TAGAP: variants seen among roughly 807,000 people sequenced by gnomAD.
TAGAP encodes T cell activation RhoGTPase activating protein.
In TAGAP, 16 loss-of-function variants were observed where a neutral mutation model predicts 36.0. That is an observed-to-expected ratio of 0.44 (90% CI 0.30 to 0.68). The LOEUF is 0.68. TAGAP is among the 30% of genes least tolerant of loss of function. The pLI is 0.09. For synonymous variants in TAGAP, 372 were observed against 377.4 expected (o/e 0.99, Z 0.17); for missense variants, 794 against 921.5 (o/e 0.86, Z 1.79).
Position 159,038,244 on chromosome 6 carries a change from A to G in TAGAP, c.784-16T>C. 7.3e-7 allele frequency: 1 copy of G among 1,366,388 alleles called. No homozygotes were observed. Among genetic ancestry groups the G allele is most frequent in the South Asian group, 1.2e-5 (1 of 82,010 alleles). 84.6% of individuals were successfully genotyped at this position (1,366,388 alleles called of 1,614,324 possible). On this transcript the variant is annotated splice_polypyrimidine_tract_variant and intron_variant, in intron 8 of 9. Transcript: ENST00000367066. ...GTGTCTTCACCTGTGAGGAAAAGTA[A>G]GCAATTTGTCAGCTTGAAGACTTTT...
chr6:159,037,485 G>A lies in TAGAP; in HGVS notation c.899-361C>T, dbSNP rs908534795. Among the ~76,000 whole-genome samples, 12 of 152,140 alleles carry A rather than the reference G, an allele frequency of 7.9e-5. No individual in the cohort carries two copies. The highest frequency in any genetic ancestry group is 1.6e-4 in the Non-Finnish European group (11 of 68,030). On this transcript the variant is annotated intron_variant, in intron 9 of 9. Coordinates refer to ENST00000367066, the MANE Select transcript of TAGAP (RefSeq NM_054114.5). This position sits in a 1 kb window ranked among gnomAD's most constrained non-coding sequence, Gnocchi z 5.1. ...ATTATAGGCGTGAGCCACCACACACGGCCATTTAGGTTCTTTTAGAAATGA... is the reference window on the plus strand; with the variant it reads ...ATTATAGGCGTGAGCCACCACACACAGCCATTTAGGTTCTTTTAGAAATGA...
rs376637688 is a variant in TAGAP, at chr6:159,036,445, C to A, written c.1578G>T (p.Ala526=). ...HKKVLTKNLS[A]GSGKSQDFTR... ...TAAAGTCTTGCGATTTCCCAGAGCC[C>A]GCGCTGAGGTTTTTGGTCAGCACTT... is the stretch of plus-strand genomic sequence containing the variant. The change falls in exon 10 of 10, where the codon GCG becomes GCT. Residue 526 remains alanine (A), a synonymous_variant. Transcript: ENST00000367066. The surrounding 1 kb of genome is among the most constrained non-coding windows in gnomAD (Gnocchi z 4.9). 5 of 1,614,034 alleles carry A rather than the reference C, an allele frequency of 3.1e-6. No individual in the cohort carries two copies. In the African/African-American group the frequency reaches 6.7e-5, roughly 22 times the overall value.
At chr6:159,043,277 G>A (rs1779819812) in intron 4 of TAGAP, among the ~76,000 whole-genome samples, 1 of 152,192 alleles carries the variant, frequency 6.6e-6, no homozygotes, top group Non-Finnish European at 1.5e-5. Flanking sequence ...GGAAGAAAAT[G>A]GAAAAGACAC....
rs138799104 is a variant in TAGAP, at chr6:159,035,644, C to G, written c.*183G>C. On this transcript the variant is annotated 3_prime_UTR_variant, in exon 10 of 10. Transcript: ENST00000367066. Reference sequence around the variant, plus strand: ...ATACATTTTTACATATTGCACAAATCCAGGTACACAGAGACTATCTGATGC... The same window carrying G: ...ATACATTTTTACATATTGCACAAATGCAGGTACACAGAGACTATCTGATGC... 889 of 576,136 alleles carry G rather than the reference C, an allele frequency of 1.5e-3. 9 individuals are homozygous for G. The highest frequency in any genetic ancestry group is 0.015 in the African/African-American group (796 of 53,970). 35.7% of individuals were successfully genotyped at this position (576,136 alleles called of 1,614,324 possible).
intron 9 of TAGAP, 34 bp downstream of exon 9, chr6:159,038,080 T>C: frequency 7.0e-7 from 1 of 1,436,220 alleles, no homozygotes; most frequent in Non-Finnish European, 9.8e-7. Flanking sequence ...AACTTTTCCC[T>C]ACAATCGTAA....
rs762772925 is a variant in TAGAP, at chr6:159,039,289, C to G, written c.608G>C (p.Arg203Pro). 6 of 1,612,840 alleles carry G rather than the reference C, an allele frequency of 3.7e-6. No individual in the cohort carries two copies. Among genetic ancestry groups the G allele is most frequent in the East Asian group, 2.2e-5 (1 of 44,876 alleles). ...GTGCTTGAGTAGCAGGAGGTTGGGC[C>G]GGGGGAGCTTATCTGCAACCCTGGA... ...ALKQVADKLP[R>P]PNLLLLKHLV... The change falls in exon 8 of 10, where the codon CGG (arginine) becomes CCG (proline). Residue 203 changes from arginine to proline, a missense_variant. Coordinates refer to ENST00000367066, the MANE Select transcript of TAGAP (RefSeq NM_054114.5).
In TAGAP at chr6:159,040,813, G is replaced by A. The variant is rs759674898; in HGVS notation, c.497C>T (p.Pro166Leu). ...GAGGTCGCTTGAAAGTAGCTTCCGG[G>A]GGATACTTCTGAGGAAGTCCTGGGG... Reference protein sequence around the residue: ...VVFKDFLRSIPRKLLSSDLFE... With the variant: ...VVFKDFLRSILRKLLSSDLFE... Residue 166 changes from proline to leucine, a missense_variant, in exon 7 of 10, where the codon CCC becomes CTC. Pro to Leu is a moderately conservative substitution (Grantham distance 98, BLOSUM62 -3). Coordinates refer to ENST00000367066, the MANE Select transcript of TAGAP (RefSeq NM_054114.5). The A allele has an allele frequency of 1.2e-6, 2 of 1,614,046 alleles. No individual in the cohort carries two copies. The highest frequency in any genetic ancestry group is 1.7e-6 in the Non-Finnish European group (2 of 1,179,942).
rs768641977 is a variant in TAGAP, at chr6:159,043,933, CCTT to C, written c.81+42_81+44del. On this transcript the variant is annotated intron_variant, in intron 3 of 9. Transcript: ENST00000367066. ...TATTCAATTAAAACAAAGTTTTCCACCTTCTCACAGTACAGATAAAAAGTCTTA... is the reference window on the plus strand; with the variant it reads ...TATTCAATTAAAACAAAGTTTTCCACCTCACAGTACAGATAAAAAGTCTTA... The C allele has an allele frequency of 5.2e-6, 8 of 1,549,720 alleles. No individual in the cohort carries two copies. The East Asian group carries it at 6.7e-5, about 13-fold the overall frequency.
intron 4 of TAGAP, chr6:159,042,867 G>A (rs1779806393): frequency 6.6e-6 from 1 of 152,602 alleles, no homozygotes; most frequent in African/African-American, 2.4e-5. Flanking sequence ...GCTGCGGGAA[G>A]CCTTGAACCT....
At position 159,035,814 on chromosome 6, in the gene TAGAP, T is replaced by C; in HGVS notation, c.*13A>G. The C allele has an allele frequency of 6.3e-7, 1 of 1,579,776 alleles. No individual in the cohort carries two copies. Among genetic ancestry groups the C allele is most frequent in the Non-Finnish European group, 8.7e-7 (1 of 1,155,068 alleles). ...AGATAGCACAAGCTATGGCATGGCG[T>C]ATGGCCTCCCTCCTAAATATACGAT... On this transcript the variant is annotated 3_prime_UTR_variant, in exon 10 of 10. Transcript: ENST00000367066.
intron 4 of TAGAP, chr6:159,043,120 GTCTT>G (rs1311507237): frequency 1.9e-5 from 3 of 155,056 alleles, no homozygotes; most frequent in Admixed American, 6.4e-5. Context: ...GAAGTGGCCT[GTCTT>G]TATGGTTCAG....
rs1779767737 is a variant in TAGAP at position 159,041,945 on chromosome 6, G to A, written c.315+133C>T. ...TCTGACTGCACGCGTATGTGGGAGT[G>A]CCATGTTGAAGAGTGGAAAATATGG... On this transcript the variant is annotated intron_variant, in intron 5 of 9. Transcript: ENST00000367066. This position sits in a 1 kb window ranked among gnomAD's most constrained non-coding sequence, Gnocchi z 4.1. The A allele has an allele frequency of 1.0e-6, 1 of 960,804 alleles. No homozygotes were observed. 59.5% of individuals were successfully genotyped at this position (960,804 alleles called of 1,614,324 possible).
At position 159,036,987 on chromosome 6, in the gene TAGAP, C is replaced by T. The variant is rs746948813; in HGVS notation, c.1036G>A (p.Gly346Ser). The change falls in exon 10 of 10, where the codon GGC (glycine) becomes AGC (serine). Residue 346 changes from glycine to serine, a missense_variant. Transcript: ENST00000367066. This position sits in a 1 kb window ranked among gnomAD's most constrained non-coding sequence, Gnocchi z 4.9. ...CTGACCTCTCGGGCATCCTGTGGGC[C>T]CGCGCTATCCAAGCCAGCAGCTGTG... The part of the protein sequence containing the change: ...MATAAGLDSA[G>S]PQDAREVSPE... 5.6e-6 allele frequency: 9 copies of T among 1,613,614 alleles called. No homozygotes were observed. The African/African-American group carries it at 1.2e-4, about 22-fold the overall frequency.
chr6:159,036,680 C>A lies in TAGAP; in HGVS notation c.1343G>T (p.Gly448Val), dbSNP rs1224710193. 6 of 1,613,986 alleles carry A rather than the reference C, an allele frequency of 3.7e-6. No individual in the cohort carries two copies. The highest frequency in any genetic ancestry group is 1.7e-5 in the Admixed American group (1 of 60,014). Residue 448 changes from glycine (G) to valine (V), a missense_variant, in exon 10 of 10, where the codon GGT becomes GTT. By Grantham distance (109) the Gly-to-Val change is moderately radical. Coordinates refer to ENST00000367066, the MANE Select transcript of TAGAP (RefSeq NM_054114.5). The surrounding 1 kb of genome is among the most constrained non-coding windows in gnomAD (Gnocchi z 4.9). ...VDLKIKNLAP[G>V]SVLPRALVLK... ...AACCAGTGCCCGCGGGAGCACCGAA[C>A]CCGGGGCCAAGTTCTTGATCTTCAG...
chr6:159,043,605 A>G lies in TAGAP; in HGVS notation c.132T>C (p.Ser44=), dbSNP rs1425321726. ...PLLASCESED[S]ICQLIEVKKR... Reference sequence around the variant, plus strand: ...AAAACTCACCAATGAGCTGGCAAATACTGTCTTCACTCTCACATGATGCCA... The same window carrying G: ...AAAACTCACCAATGAGCTGGCAAATGCTGTCTTCACTCTCACATGATGCCA... The change falls in exon 4 of 10, where the codon AGT becomes AGC. Residue 44 remains serine (S), a synonymous_variant. Transcript: ENST00000367066. 1 of 1,614,050 alleles carries G rather than the reference A, an allele frequency of 6.2e-7. No homozygotes were observed. Among genetic ancestry groups the G allele is most frequent in the Admixed American group, 1.7e-5 (1 of 60,028 alleles).
chr6:159,036,880 C>T lies in TAGAP; in HGVS notation c.1143G>A (p.Met381Ile). Residue 381 changes from methionine (M) to isoleucine (I), a missense_variant, in exon 10 of 10, where the codon ATG becomes ATA. By Grantham distance (10) the Met-to-Ile change is conservative. Coordinates refer to ENST00000367066, the MANE Select transcript of TAGAP (RefSeq NM_054114.5). This position sits in a 1 kb window ranked among gnomAD's most constrained non-coding sequence, Gnocchi z 4.9. ...TCTCGAGGCACTCCTGGGAGGATGGCATGCTGGGCTCTGAGTATCTCCTAT... is the reference window on the plus strand; with the variant it reads ...TCTCGAGGCACTCCTGGGAGGATGGTATGCTGGGCTCTGAGTATCTCCTAT... ...QPDRRYSEPSMPSSQECLESR... is the reference protein window; with the variant it reads ...QPDRRYSEPSIPSSQECLESR... 1 of 1,614,226 alleles carries T rather than the reference C, an allele frequency of 6.2e-7. No homozygotes were observed. The highest frequency in any genetic ancestry group is 8.5e-7 in the Non-Finnish European group (1 of 1,180,038).
chr6:159,039,568 C>A (rs984211747), intron 7 of TAGAP, among the ~76,000 whole-genome samples: 2 of 152,200 alleles, frequency 1.3e-5, no homozygotes, highest in Admixed American at 1.3e-4. Context: ...ATTATTTATA[C>A]AGAGCTTAAA....
intron 7 of TAGAP, 62 bp from the exon 8 acceptor site, chr6:159,039,371 T>A: frequency 1.3e-6 from 2 of 1,539,528 alleles, no homozygotes; most frequent in South Asian, 1.2e-5. Flanking sequence ...TGTAGCAAGC[T>A]GAGAGTTTCT....
chr6:159,043,528 C>T, intron 4 of TAGAP, 61 bp downstream of exon 4: 2 of 1,539,698 alleles, frequency 1.3e-6, no homozygotes, highest in Non-Finnish European at 1.8e-6. Context: ...TGTGGTTTTG[C>T]AAACCAAGAG....
Sources: gnomAD v4.1 joint callset for allele counts (sites outside exome capture counted in the v4.1 genomes callset) on GRCh38, gnomAD v4.1.1 for gene constraint, Gnocchi (gnomAD v3.1) non-coding constraint, MANE v1.5 for transcripts, NCBI Gene and HGNC (gene_info 2026-07-23, HGNC 2026-07-21) for gene names.